GABBR2: variants seen among roughly 807,000 people sequenced by gnomAD.
GABBR2 encodes the protein gamma-aminobutyric acid type B receptor subunit 2.
A neutral mutation model predicts 105.6 loss-of-function variants in GABBR2; 23 were observed. The ratio of observed to expected loss-of-function variants is 0.22; its 90% confidence interval spans 0.16 to 0.31. The LOEUF (loss-of-function observed/expected upper bound fraction) is 0.31. Among genes scored for constraint, GABBR2 ranks in the 10% least tolerant of loss-of-function variants. The pLI is 1.00. For missense variants in GABBR2, 734 were observed against 1,245.5 expected (o/e 0.59, Z 6.18); for synonymous variants, 478 against 499.7 (o/e 0.96, Z 0.58).
chr9:98,366,204 T>G (rs564109492), intron 12 of GABBR2, among the ~76,000 whole-genome samples: 2 of 152,332 alleles, frequency 1.3e-5, no homozygotes, highest in African/African-American at 4.8e-5. Flanking sequence ...TTACAATAAC[T>G]GTTCAACAGA....
intron 3 of GABBR2, among the ~76,000 whole-genome samples, chr9:98,513,385 C>T (rs1827691245): frequency 6.6e-6 from 1 of 152,044 alleles, no homozygotes; most frequent in Non-Finnish European, 1.5e-5. Flanking sequence ...GCAATGGCAA[C>T]AAAAGCCAAA....
intron 1 of GABBR2, 49 bp from the exon 2 acceptor site, chr9:98,578,121 C>T: frequency 1.2e-6 from 2 of 1,602,678 alleles, no homozygotes; most frequent in Non-Finnish European, 1.7e-6. Flanking sequence ...AACAGCTTTT[C>T]CCCAGGGGCA....
At chr9:98,293,160 A>G (rs946872114) in intron 18 of GABBR2, among the ~76,000 whole-genome samples, 2 of 152,322 alleles carry the variant, frequency 1.3e-5, no homozygotes, top group Admixed American at 6.5e-5. Flanking sequence ...ATAAGATGGG[A>G]AGGCCTAAAA....
At chr9:98,403,242 C>T (rs1832428689) in intron 8 of GABBR2, among the ~76,000 whole-genome samples, 2 of 134,802 alleles carry the variant, frequency 1.5e-5, no homozygotes, top group South Asian at 2.3e-4. Context: ...TGCAGTGAGC[C>T]GAGATTGTGC....
At chr9:98,459,578 G>C (rs936009861) in intron 6 of GABBR2, among the ~76,000 whole-genome samples, 3 of 152,162 alleles carry the variant, frequency 2.0e-5, no homozygotes, top group Non-Finnish European at 4.4e-5. Context: ...AAGTGAGCCT[G>C]GTATTAAGAC....
At chr9:98,560,480 T>C (rs1019738381) in intron 2 of GABBR2, among the ~76,000 whole-genome samples, 34 of 131,580 alleles carry the variant, frequency 2.6e-4, no homozygotes, top group African/African-American at 9.3e-4. Flanking sequence ...CACACACACA[T>C]ATACACACAC....
intron 13 of GABBR2, among the ~76,000 whole-genome samples, chr9:98,333,883 G>T (rs371882454): frequency 3.4e-4 from 52 of 152,338 alleles, no homozygotes; most frequent in African/African-American, 1.3e-3. Flanking sequence ...CCATGGGCAT[G>T]TTATTTAACC....
At chr9:98,692,726 G>A (rs1830698816) in intron 1 of GABBR2, among the ~76,000 whole-genome samples, 1 of 152,192 alleles carries the variant, frequency 6.6e-6, no homozygotes, top group Non-Finnish European at 1.5e-5. Context: ...AGTTTCTCCA[G>A]GTATGAATGG....
chr9:98,453,715 A>G (rs1826275093), intron 7 of GABBR2, among the ~76,000 whole-genome samples: 1 of 152,214 alleles, frequency 6.6e-6, no homozygotes, highest in South Asian at 2.1e-4. Flanking sequence ...TTTTTGTAGC[A>G]GAGTGAAAGC....
intron 1 of GABBR2, among the ~76,000 whole-genome samples, chr9:98,586,918 C>T (rs1829085708): frequency 1.3e-5 from 2 of 152,206 alleles, no homozygotes; most frequent in African/African-American, 4.8e-5. Flanking sequence ...CGAATATTTG[C>T]ATACGCGCCT....
intron 1 of GABBR2, among the ~76,000 whole-genome samples, chr9:98,665,185 C>T (rs1323104772): frequency 6.6e-6 from 1 of 152,132 alleles, no homozygotes; most frequent in East Asian, 1.9e-4. Flanking sequence ...AGGAGGATCG[C>T]CTGAGCCTGG....
At chr9:98,687,711 A>T (rs550618930) in intron 1 of GABBR2, among the ~76,000 whole-genome samples, 17 of 152,230 alleles carry the variant, frequency 1.1e-4, no homozygotes, top group Non-Finnish European at 2.1e-4. Flanking sequence ...CCGGTCTGGC[A>T]CCATTCCACA....
intron 4 of GABBR2, chr9:98,496,203 C>G: frequency 1.7e-6 from 1 of 585,504 alleles, no homozygotes; most frequent in Non-Finnish European, 3.1e-6. Context: ...TGGCTGTGCA[C>G]CTGCAGCCAG....
At chr9:98,555,065 C>T (rs563432801) in intron 2 of GABBR2, among the ~76,000 whole-genome samples, 9 of 152,266 alleles carry the variant, frequency 5.9e-5, no homozygotes, top group South Asian at 2.1e-4. Flanking sequence ...TCAGGGCTGT[C>T]GTGAGGGTTG....
chr9:98,654,958 G>A (rs10987258), intron 1 of GABBR2, among the ~76,000 whole-genome samples: 8,170 of 152,164 alleles, frequency 0.054, 839 homozygotes, highest in East Asian at 0.44. Flanking sequence ...GACCTGGAGG[G>A]TCTTTAAATG....
chr9:98,362,194 A>G (rs944841373), intron 13 of GABBR2, among the ~76,000 whole-genome samples: 3 of 152,264 alleles, frequency 2.0e-5, no homozygotes, highest in Admixed American at 6.5e-5. Flanking sequence ...GACCAGTGCG[A>G]GTTCAGGGCA....
intron 3 of GABBR2, among the ~76,000 whole-genome samples, chr9:98,521,644 GA>G (rs1163599435): frequency 6.6e-6 from 1 of 152,142 alleles, no homozygotes. Flanking sequence ...ATTTAAACAA[GA>G]AAGGCCCACA....
chr9:98,542,058 A>C lies in GABBR2; in HGVS notation c.460-15T>G. The stretch of plus-strand genomic sequence containing the variant: ...GCAAAAGAAAGCTGAAAAACACAAA[A>C]GAGACAACGCTTTTTACTGATGAGC... On this transcript the variant is annotated splice_polypyrimidine_tract_variant and intron_variant, in intron 2 of 18. Coordinates refer to ENST00000259455, the MANE Select transcript of GABBR2 (RefSeq NM_005458.8). 1.9e-6 allele frequency: 3 copies of C among 1,612,652 alleles called. No homozygotes were observed. The highest frequency in any genetic ancestry group is 2.5e-6 in the Non-Finnish European group (3 of 1,178,986).
chr9:98,475,514 T>C (rs770993779), intron 5 of GABBR2, among the ~76,000 whole-genome samples: 4 of 152,202 alleles, frequency 2.6e-5, no homozygotes, highest in Non-Finnish European at 4.4e-5. Context: ...CTCATGTGTA[T>C]TGAGGTCCCA....
Sources: allele counts gnomAD v4.1 joint callset (sites outside exome capture counted in the v4.1 genomes callset), GRCh38; gene constraint gnomAD v4.1.1; transcripts MANE v1.5; gene names NCBI Gene and HGNC (gene_info 2026-07-23, HGNC 2026-07-21).